CARS1: variants seen among roughly 807,000 people sequenced by gnomAD.
The protein encoded by CARS1 is cysteinyl-tRNA synthetase 1, also known as cysteine--tRNA ligase, cytoplasmic.
CARS1 carries 48 observed loss-of-function variants against 106.2 expected under a neutral mutation model. The ratio of observed to expected loss-of-function variants is 0.45; its 90% CI spans 0.36 to 0.57. The LOEUF is 0.57. CARS1 is among the 20% of genes least tolerant of loss of function. The pLI, the probability that CARS1 is intolerant of heterozygous loss-of-function variation, is 0.00. For synonymous variants in CARS1, 409 were observed against 403.4 expected (o/e 1.01, Z -0.17); for missense variants, 968 against 1,057.2 (o/e 0.92, Z 1.17).
chr11:3,047,497 C>G (rs943092079), intron 2 of CARS1, among the ~76,000 whole-genome samples: 1 of 152,148 alleles, frequency 6.6e-6, no homozygotes, highest in East Asian at 1.9e-4. Flanking sequence ...TGCACCCCAC[C>G]ACCTCAGGCA....
chr11:3,033,785 G>A (rs1289848772), intron 7 of CARS1, among the ~76,000 whole-genome samples: 1 of 152,184 alleles, frequency 6.6e-6, no homozygotes, highest in African/African-American at 2.4e-5. Flanking sequence ...GATACAACAT[G>A]TAAAATCCCA....
Position 3,034,777 on chromosome 11 carries a change from G to A in CARS1, c.801+3273C>T, listed in dbSNP as rs559504913. Among the ~76,000 whole-genome samples the A allele has an allele frequency of 8.6e-5, 13 of 151,726 alleles. No individual in the cohort carries two copies. Among genetic ancestry groups the A allele is most frequent in the Non-Finnish European group, 1.6e-4 (11 of 67,944 alleles). ...TCTCGATCTCCTGACCTCGTGATCT[G>A]CCCACCTCAGCCTCCCAAAGTGCTG... On this transcript the variant is annotated intron_variant, in intron 7 of 22. Transcript: ENST00000380525. The surrounding 1 kb of genome is among the most constrained non-coding windows in gnomAD (Gnocchi z 6.3).
At chr11:3,002,256 G>C in intron 21 of CARS1, 1 of 647,946 alleles carries the variant, frequency 1.5e-6, no homozygotes, top group South Asian at 1.8e-5. Flanking sequence ...ATTTCTACAG[G>C]AATAGTGGAA....
chr11:3,011,933 G>A (rs1381167247), intron 18 of CARS1, among the ~76,000 whole-genome samples: 5 of 152,264 alleles, frequency 3.3e-5, no homozygotes, highest in South Asian at 2.1e-4. Context: ...TCACATCCTC[G>A]GTCCCCACTG....
chr11:3,033,559 T>G (rs1220005132), intron 7 of CARS1, among the ~76,000 whole-genome samples: 1 of 152,148 alleles, frequency 6.6e-6, no homozygotes, highest in East Asian at 1.9e-4. Flanking sequence ...TACAAGTAAA[T>G]GATGTCAAAT....
chr11:3,039,427 G>C lies in CARS1; in HGVS notation c.553-135C>G. ...GGAGACAACTGTGGGCCCCGGACGTGCACACCATCATCAAATAGAAACACC... is the reference window on the plus strand; with the variant it reads ...GGAGACAACTGTGGGCCCCGGACGTCCACACCATCATCAAATAGAAACACC... On this transcript the variant is annotated intron_variant, in intron 5 of 22. Transcript: ENST00000380525. The surrounding 1 kb of genome is among the most constrained non-coding windows in gnomAD (Gnocchi z 5.6). 1 of 622,270 alleles carries C rather than the reference G, an allele frequency of 1.6e-6. No individual in the cohort carries two copies. Among genetic ancestry groups the C allele is most frequent in the Non-Finnish European group, 2.9e-6 (1 of 345,506 alleles). 38.5% of individuals were successfully genotyped at this position (622,270 alleles called of 1,614,324 possible). A position where few individuals can be genotyped will look rare whatever the true frequency, so the allele number is the denominator to read the frequency against.
rs977549356 is a variant in CARS1 at position 3,052,602 on chromosome 11, A to G, written c.26-4601T>C. The stretch of plus-strand genomic sequence containing the variant: ...AGGCTAGACGGCTCATCAAAAGGGA[A>G]CCAAGACCATGCTTGGGAAGGATCT... On this transcript the variant is annotated intron_variant, in intron 1 of 22. Transcript: ENST00000380525. This position sits in a 1 kb window ranked among gnomAD's most constrained non-coding sequence, Gnocchi z 4.6. 2.0e-5 allele frequency among the ~76,000 whole-genome samples: 3 copies of G among 152,206 alleles called. No homozygotes were observed. The highest frequency in any genetic ancestry group is 6.5e-5 in the Admixed American group (1 of 15,288).
At chr11:3,026,922 T>C in intron 9 of CARS1, 125 bp from the exon 10 acceptor site, 5 of 1,038,184 alleles carry the variant, frequency 4.8e-6, no homozygotes, top group Non-Finnish European at 7.0e-6. Flanking sequence ...CTACTCTCTG[T>C]GGTGGCCACT....
intron 7 of CARS1, among the ~76,000 whole-genome samples, chr11:3,032,927 C>T (rs905507442): frequency 1.3e-5 from 2 of 151,504 alleles, no homozygotes; most frequent in African/African-American, 2.4e-5. Context: ...AGAGCAGGTT[C>T]GCTGACTGTA....
intron 20 of CARS1, among the ~76,000 whole-genome samples, chr11:3,002,909 T>C (rs12789474): frequency 6.6e-6 from 1 of 152,028 alleles, no homozygotes; most frequent in African/African-American, 2.4e-5. Flanking sequence ...CATGAAGAAA[T>C]GGACCAGCAT....
At position 3,046,753 on chromosome 11, in the gene CARS1, A is replaced by C. The variant is rs1855130044; in HGVS notation, c.274+1000T>G. Among the ~76,000 whole-genome samples, 1 of 152,118 alleles carries C rather than the reference A, an allele frequency of 6.6e-6. No homozygotes were observed. The highest frequency in any genetic ancestry group is 1.5e-5 in the Non-Finnish European group (1 of 68,016). ...ACCTGCCCCCACATGAAGGTGGAGG[A>C]GTGCCCACAGCCACAGGAGGAGCTG... is the stretch of plus-strand genomic sequence containing the variant. On this transcript the variant is annotated intron_variant, in intron 2 of 22. Coordinates refer to ENST00000380525, the MANE Select transcript of CARS1 (RefSeq NM_001014437.3). The surrounding 1 kb of genome is among the most constrained non-coding windows in gnomAD (Gnocchi z 5.8).
intron 1 of CARS1, among the ~76,000 whole-genome samples, chr11:3,056,774 G>A (rs1416722052): frequency 6.6e-6 from 1 of 152,160 alleles, no homozygotes; most frequent in Non-Finnish European, 1.5e-5. Flanking sequence ...AAGGCCAGCT[G>A]GGGCAAGAGG....
rs928679518 is a variant in CARS1, at chr11:3,040,242, A to C, written c.456-311T>G. Among the ~76,000 whole-genome samples the C allele has an allele frequency of 7.9e-5, 12 of 152,320 alleles. No homozygotes were observed. The highest frequency in any genetic ancestry group is 3.4e-3 in the Middle Eastern group (1 of 294). On this transcript the variant is annotated intron_variant, in intron 4 of 22. Coordinates refer to ENST00000380525, the MANE Select transcript of CARS1 (RefSeq NM_001014437.3). This position sits in a 1 kb window ranked among gnomAD's most constrained non-coding sequence, Gnocchi z 5.8. ...AATACAGTATGTAATGTATATACAA[A>C]ATATGTGTTCATTGACTGGCATGCT...
intron 7 of CARS1, among the ~76,000 whole-genome samples, chr11:3,031,851 T>G (rs1852808894): frequency 6.6e-6 from 1 of 152,084 alleles, no homozygotes; most frequent in African/African-American, 2.4e-5. Flanking sequence ...ACCCCATACT[T>G]TTGTGAGTTT....
Position 3,012,213 on chromosome 11 carries a change from T to C in CARS1, c.2050A>G (p.Ile684Val). The change falls in exon 18 of 23, where the codon ATT becomes GTT. Residue 684 changes from isoleucine (I) to valine (V), a missense_variant. By Grantham distance (29) the Ile-to-Val change is conservative (BLOSUM62 3). Transcript: ENST00000380525. Reference protein sequence around the residue: ...LSEFREGVRKIAREQKVPEIL... With the variant: ...LSEFREGVRKVAREQKVPEIL... ...TCCTCACCTTTTTGCTCTCGGGCAA[T>C]CTTCCGCACTCCTTCTCGGAATTCT... 2 of 1,614,206 alleles carry C rather than the reference T, an allele frequency of 1.2e-6. No individual in the cohort carries two copies. The highest frequency in any genetic ancestry group is 1.7e-6 in the Non-Finnish European group (2 of 1,179,998).
Position 3,040,017 on chromosome 11 carries a change from G to A in CARS1, c.456-86C>T. 1.5e-6 allele frequency: 1 copy of A among 669,586 alleles called. No homozygotes were observed. Among genetic ancestry groups the A allele is most frequent in the Non-Finnish European group, 2.6e-6 (1 of 391,690 alleles). The allele number at this position is 669,586 out of a possible 1,614,324, so 41.5% of individuals were successfully genotyped here. ...CAACACGTGTTTGAACTGCATGAGT[G>A]CATTTATATATGATTTTCTCTGCCA... On this transcript the variant is annotated intron_variant, in intron 4 of 22. Transcript: ENST00000380525. The surrounding 1 kb of genome is among the most constrained non-coding windows in gnomAD (Gnocchi z 5.8).
At chr11:3,027,866 G>A (rs423440) in intron 9 of CARS1, 168,999 of 449,168 alleles carry the variant, frequency 0.38, 33,346 homozygotes, top group East Asian at 0.62. Context: ...TTAGCAGACC[G>A]GGAAAGGGAG....
chr11:3,002,385 G>T, intron 21 of CARS1, 156 bp downstream of exon 21: 1 of 1,391,822 alleles, frequency 7.2e-7, no homozygotes, highest in Non-Finnish European at 9.7e-7. Context: ...GAAGGGCCTG[G>T]CAGGCCTTGG....
chr11:3,003,428 A>G lies in CARS1; in HGVS notation c.2218-828T>C, dbSNP rs554055833. 1.3e-5 allele frequency among the ~76,000 whole-genome samples: 2 copies of G among 152,262 alleles called. No homozygotes were observed. Among genetic ancestry groups the G allele is most frequent in the East Asian group, 3.9e-4 (2 of 5,174 alleles). On this transcript the variant is annotated intron_variant, in intron 20 of 22. Coordinates refer to ENST00000380525, the MANE Select transcript of CARS1 (RefSeq NM_001014437.3). This position sits in a 1 kb window ranked among gnomAD's most constrained non-coding sequence, Gnocchi z 4.8. ...ATCACATTTACTTTGGACAGCCTAG[A>G]TATCAGAGGCTTCCTGGCCCAGTGG...
Sources: allele counts gnomAD v4.1 joint callset (sites outside exome capture counted in the v4.1 genomes callset), GRCh38; gene constraint gnomAD v4.1.1; non-coding constraint Gnocchi (gnomAD v3.1); transcripts MANE v1.5; gene names NCBI Gene and HGNC (gene_info 2026-07-23, HGNC 2026-07-21).